Variants in GPC5 observed in about 807,000 individuals in gnomAD.
The protein encoded by GPC5 is glypican 5.
A neutral mutation model predicts 53.9 loss-of-function variants in GPC5; 47 were observed. The observed-to-expected ratio is 0.87, with a 90% CI of 0.69 to 1.11. The LOEUF is 1.11. Ranked by LOEUF, GPC5 falls within the 50% of genes most tolerant of loss-of-function variation. The pLI, the probability that GPC5 is intolerant of heterozygous loss-of-function variation, is 0.00. For synonymous variants in GPC5, 286 were observed against 263.3 expected (o/e 1.09, Z -0.84); for missense variants, 748 against 713.1 (o/e 1.05, Z -0.56).
chr13:92,273,289 T>G (rs2042852845), intron 7 of GPC5, among the ~76,000 whole-genome samples: 1 of 152,136 alleles, frequency 6.6e-6, no homozygotes, highest in African/African-American at 2.4e-5. Context: ...TGGATGATGA[T>G]TTTTACACTA....
intron 6 of GPC5, among the ~76,000 whole-genome samples, chr13:91,918,282 T>C (rs1241339511): frequency 1.3e-5 from 2 of 152,190 alleles, no homozygotes; most frequent in Non-Finnish European, 2.9e-5. Flanking sequence ...TCCCTTGACA[T>C]GTGGGTATTA....
chr13:92,783,428 G>C (rs561447918), intron 7 of GPC5, among the ~76,000 whole-genome samples: 4 of 152,284 alleles, frequency 2.6e-5, no homozygotes, highest in African/African-American at 9.6e-5. Context: ...ACCTAGGGAT[G>C]GTCACAGTAA....
intron 7 of GPC5, among the ~76,000 whole-genome samples, chr13:92,710,866 T>TC (rs1888112036): frequency 1.3e-5 from 2 of 152,234 alleles, no homozygotes; most frequent in African/African-American, 4.8e-5. Flanking sequence ...GAATTATTTT[T>TC]ATGTGACAAT....
intron 7 of GPC5, among the ~76,000 whole-genome samples, chr13:92,368,909 T>C (rs1157702353): frequency 6.6e-6 from 1 of 152,172 alleles, no homozygotes; most frequent in East Asian, 1.9e-4. Flanking sequence ...TGGCTTTCTG[T>C]TACCATTTTT....
intron 4 of GPC5, among the ~76,000 whole-genome samples, chr13:91,747,170 T>C (rs1257905600): frequency 6.6e-6 from 1 of 152,206 alleles, no homozygotes; most frequent in Non-Finnish European, 1.5e-5. Flanking sequence ...TTAAACATGA[T>C]TAAAGTCAAT....
chr13:91,562,658 G>T (rs1364075102), intron 2 of GPC5, among the ~76,000 whole-genome samples: 1 of 147,100 alleles, frequency 6.8e-6, no homozygotes, highest in East Asian at 2.0e-4. Flanking sequence ...AGTAGAGATG[G>T]ATCCACCTGC....
At chr13:92,847,715 T>C (rs1033512671) in intron 7 of GPC5, among the ~76,000 whole-genome samples, 4 of 151,976 alleles carry the variant, frequency 2.6e-5, no homozygotes, top group Admixed American at 6.6e-5. Context: ...TTGTTGAGTG[T>C]GTTGTATGAA....
At chr13:92,760,667 C>T (rs930143061) in intron 7 of GPC5, among the ~76,000 whole-genome samples, 3 of 150,214 alleles carry the variant, frequency 2.0e-5, no homozygotes, top group Non-Finnish European at 4.4e-5. Flanking sequence ...ACTTTTGTTT[C>T]GATTTTTATT....
chr13:91,726,101 A>G (rs1171054742), intron 3 of GPC5, among the ~76,000 whole-genome samples: 1 of 152,206 alleles, frequency 6.6e-6, no homozygotes, highest in Non-Finnish European at 1.5e-5. Context: ...TGAATAATTT[A>G]GCACGTTTCT....
chr13:92,579,288 TCTCTCTCTCTCTCC>T (rs1245354614), intron 7 of GPC5, among the ~76,000 whole-genome samples: 2 of 62,604 alleles, frequency 3.2e-5, no homozygotes, highest in African/African-American at 1.8e-4. Context: ...TCTCTCTCTC[TCTCTCTCTCTCTCC>T]CTCCCTCCCT....
intron 1 of GPC5, among the ~76,000 whole-genome samples, chr13:91,424,308 T>C (rs984964039): frequency 6.6e-6 from 1 of 151,746 alleles, no homozygotes; most frequent in Non-Finnish European, 1.5e-5. Context: ...ACTTTTTTTT[T>C]TGGTGGTGGT....
chr13:92,115,602 T>C (rs1453919802), intron 6 of GPC5, among the ~76,000 whole-genome samples: 1 of 152,148 alleles, frequency 6.6e-6, no homozygotes, highest in East Asian at 1.9e-4. Context: ...TCAGTCCCTA[T>C]AGCAACTCAA....
intron 5 of GPC5, among the ~76,000 whole-genome samples, chr13:91,867,809 A>G (rs1025325605): frequency 3.3e-5 from 5 of 152,232 alleles, no homozygotes; most frequent in South Asian, 4.1e-4. Flanking sequence ...ATTAACTTTT[A>G]TTATAAATGA....
intron 6 of GPC5, among the ~76,000 whole-genome samples, chr13:92,138,187 G>A (rs1444299245): frequency 6.6e-6 from 1 of 152,144 alleles, no homozygotes; most frequent in Admixed American, 6.5e-5. Context: ...TGTGGCAGGA[G>A]TGTGTCTAAT....
intron 6 of GPC5, among the ~76,000 whole-genome samples, chr13:91,911,082 T>C (rs1566337307): frequency 1.3e-5 from 2 of 152,108 alleles, no homozygotes; most frequent in African/African-American, 4.8e-5. Flanking sequence ...CGCAAAGGTC[T>C]TGTGGCAGGA....
chr13:92,076,668 T>C (rs1398689949), intron 6 of GPC5, among the ~76,000 whole-genome samples: 1 of 151,834 alleles, frequency 6.6e-6, no homozygotes, highest in Non-Finnish European at 1.5e-5. Context: ...TTACCCTATA[T>C]AGCATGACTT....
intron 2 of GPC5, among the ~76,000 whole-genome samples, chr13:91,497,021 C>G (rs1054201667): frequency 1.3e-5 from 2 of 151,982 alleles, no homozygotes; most frequent in Admixed American, 1.3e-4. Context: ...ATTTTCTTCC[C>G]TTTTATATAT....
intron 7 of GPC5, among the ~76,000 whole-genome samples, chr13:92,208,521 A>G (rs892409556): frequency 6.6e-6 from 1 of 152,248 alleles, no homozygotes; most frequent in African/African-American, 2.4e-5. Context: ...AAGCAACTCT[A>G]TGAGAAACAT....
chr13:92,567,892 G>T (rs1594310896), intron 7 of GPC5, among the ~76,000 whole-genome samples: 1 of 152,094 alleles, frequency 6.6e-6, no homozygotes, highest in South Asian at 2.1e-4. Flanking sequence ...TAATACATTG[G>T]TTTCTTGGCA....
Sources: gnomAD v4.1 joint callset for allele counts (sites outside exome capture counted in the v4.1 genomes callset) on GRCh38, gnomAD v4.1.1 for gene constraint, MANE v1.5 for transcripts, NCBI Gene and HGNC (gene_info 2026-07-23, HGNC 2026-07-21) for gene names.